PCDH15: variants seen among roughly 807,000 people sequenced by gnomAD.
PCDH15 encodes the protein protocadherin-15.
In PCDH15, 129 loss-of-function variants were observed where a neutral mutation model predicts 178.5. The ratio of observed to expected loss-of-function variants is 0.72; its 90% CI spans 0.63 to 0.84. PCDH15 has a LOEUF of 0.84. Ranked by LOEUF, PCDH15 falls within the 40% of genes least tolerant of loss-of-function variation. The pLI is 0.00. For missense variants in PCDH15, 2,230 were observed against 2,099.9 expected (o/e 1.06, Z -1.21); for synonymous variants, 800 against 732.0 (o/e 1.09, Z -1.50).
At chr10:54,351,977 A>G (rs1168853879) in intron 5 of PCDH15, among the ~76,000 whole-genome samples, 1 of 152,174 alleles carries the variant, frequency 6.6e-6, no homozygotes, top group African/African-American at 2.4e-5. Flanking sequence ...AATATTGAGA[A>G]GGATATGTGG....
At chr10:54,767,589 T>A (rs1948659458) in intron 1 of PCDH15, among the ~76,000 whole-genome samples, 1 of 152,142 alleles carries the variant, frequency 6.6e-6, no homozygotes, top group Admixed American at 6.5e-5. Flanking sequence ...CGACAAGTCC[T>A]ATTTCATCCA....
At chr10:54,283,802 A>C (rs1233003557) in intron 8 of PCDH15, among the ~76,000 whole-genome samples, 1 of 152,122 alleles carries the variant, frequency 6.6e-6, no homozygotes, top group Non-Finnish European at 1.5e-5. Context: ...GCACAGGTTC[A>C]GTAAAAACAT....
chr10:55,114,030 G>T (rs1591913365), intron 2 of PCDH15, among the ~76,000 whole-genome samples: 1 of 152,068 alleles, frequency 6.6e-6, no homozygotes, highest in African/African-American at 2.4e-5. Flanking sequence ...CTCACTGCAA[G>T]CTCTGCCTCC....
chr10:54,601,123 C>G (rs140487154), intron 2 of PCDH15, among the ~76,000 whole-genome samples: 3 of 151,868 alleles, frequency 2.0e-5, no homozygotes, highest in African/African-American at 7.3e-5. Context: ...TTATGTTGAT[C>G]GATGTGAAAT....
chr10:54,115,641 T>C (rs539752552), intron 15 of PCDH15, among the ~76,000 whole-genome samples: 2 of 152,344 alleles, frequency 1.3e-5, no homozygotes, highest in Middle Eastern at 3.4e-3. Context: ...TAATTTTCCC[T>C]GTAGGCAGCT....
intron 26 of PCDH15, among the ~76,000 whole-genome samples, chr10:53,894,641 T>C (rs10825154): frequency 0.52 from 78,971 of 152,116 alleles, 22,399 homozygotes; most frequent in Middle Eastern, 0.7. Context: ...AATGGTGATT[T>C]TGATTTCAGA....
chr10:55,531,918 A>G lies in PCDH15; in HGVS notation c.-156+95707T>C, dbSNP rs193284193. 6.2e-4 allele frequency among the ~76,000 whole-genome samples: 94 copies of G among 152,180 alleles called. 1 individual carries two copies. Among genetic ancestry groups the G allele is most frequent in the Middle Eastern group, 6.8e-3 (2 of 292 alleles). On this transcript the variant is annotated intron_variant, in intron 2 of 5. Transcript: ENST00000613346. ...TTAACATATTGAAAGAAAAATCCTT[A>G]TATCTAGAAAGCAGAAGTAGCAGAA...
At chr10:54,767,303 C>T (rs1400941664) in intron 1 of PCDH15, among the ~76,000 whole-genome samples, 1 of 152,206 alleles carries the variant, frequency 6.6e-6, no homozygotes, top group Non-Finnish European at 1.5e-5. Context: ...CCTATTAAAA[C>T]TAAACCTATT....
At chr10:55,186,183 C>G (rs1213680703) in intron 1 of PCDH15, among the ~76,000 whole-genome samples, 1 of 151,098 alleles carries the variant, frequency 6.6e-6, no homozygotes, top group Non-Finnish European at 1.5e-5. Context: ...AAATATAATG[C>G]AAATGATTTT....
At chr10:55,374,443 T>G (rs1845575357) in intron 2 of PCDH15, among the ~76,000 whole-genome samples, 1 of 152,054 alleles carries the variant, frequency 6.6e-6, no homozygotes, top group Non-Finnish European at 1.5e-5. Context: ...CCTTGAGGAC[T>G]CCATTACCAA....
intron 10 of PCDH15, among the ~76,000 whole-genome samples, chr10:54,198,212 T>C (rs2049866937): frequency 1.3e-5 from 2 of 152,146 alleles, no homozygotes; most frequent in Non-Finnish European, 1.5e-5. Flanking sequence ...TGCCGAGCGA[T>C]GGATGTTCTT....
At chr10:54,425,325 A>G (rs1461615868) in intron 3 of PCDH15, among the ~76,000 whole-genome samples, 1 of 152,088 alleles carries the variant, frequency 6.6e-6, no homozygotes, top group Non-Finnish European at 1.5e-5. Context: ...AAGAAGGGGA[A>G]GATAGACCTG....
In PCDH15 at chr10:54,020,394, G is replaced by T; in HGVS notation, c.2549C>A (p.Ala850Glu). 1 of 1,613,724 alleles carries T rather than the reference G, an allele frequency of 6.2e-7. No homozygotes were observed. The highest frequency in any genetic ancestry group is 8.5e-7 in the Non-Finnish European group (1 of 1,179,748). Reference sequence around the variant, plus strand: ...GCTTCTTATCCGGTAAGACACATTTGCTCCAAGGTCGACATCTTTGGCCTG... The same window carrying T: ...GCTTCTTATCCGGTAAGACACATTTTCTCCAAGGTCGACATCTTTGGCCTG... ...QIEAKDVDLG[A>E]NVSYRIRSPE... The change falls in exon 20 of 38, where the codon GCA becomes GAA. Residue 850 changes from alanine (A) to glutamate (E), a missense_variant. Transcript: ENST00000644397.
At chr10:55,438,682 C>T (rs1839105981) in intron 2 of PCDH15, among the ~76,000 whole-genome samples, 2 of 150,662 alleles carry the variant, frequency 1.3e-5, no homozygotes, top group South Asian at 2.1e-4. Context: ...GAAAGAGAAA[C>T]GGAAAAGAAA....
chr10:55,434,074 TTTC>T lies in PCDH15; in HGVS notation c.-156+193548_-156+193550del, dbSNP rs1307891199. Among the ~76,000 whole-genome samples, 223 of 102,264 alleles carry T rather than the reference TTTC, an allele frequency of 2.2e-3. 2 individuals carry two copies. The highest frequency in any genetic ancestry group is 0.01 in the African/African-American group (213 of 20,694). 67.1% of individuals were successfully genotyped at this position (102,264 alleles called of 152,430 possible). A position where few individuals can be genotyped will look rare whatever the true frequency, so the allele number is the denominator to read the frequency against. ...ACAAATTCTCCGCTTTTTCTTTTCT[TTTC>T]TTTTTTTTTTTTTTTTTTTTTGAGA... On this transcript the variant is annotated intron_variant, in intron 2 of 5. Coordinates refer to the PCDH15 transcript ENST00000613346.
chr10:55,423,233 A>G (rs750387339), intron 2 of PCDH15, among the ~76,000 whole-genome samples: 158 of 152,148 alleles, frequency 1.0e-3, no homozygotes, highest in Non-Finnish European at 2.0e-3. Context: ...GATAAAATTA[A>G]CACACTTTAA....
chr10:55,207,787 G>A (rs1840443728), intron 1 of PCDH15, among the ~76,000 whole-genome samples: 1 of 152,168 alleles, frequency 6.6e-6, no homozygotes, highest in South Asian at 2.1e-4. Flanking sequence ...GGACAACATG[G>A]TGAAACCCGT....
chr10:54,672,621 C>A (rs1446246958), intron 1 of PCDH15, among the ~76,000 whole-genome samples: 1 of 151,864 alleles, frequency 6.6e-6, no homozygotes, highest in Non-Finnish European at 1.5e-5. Flanking sequence ...GTCATATAAC[C>A]AAAAAGAAAT....
intron 1 of PCDH15, among the ~76,000 whole-genome samples, chr10:54,767,080 A>C (rs1310887545): frequency 5.3e-5 from 8 of 152,212 alleles, no homozygotes; most frequent in African/African-American, 1.7e-4. Context: ...TTACTTAAAC[A>C]GAATACATGA....
Sources: gnomAD v4.1 joint callset for allele counts (sites outside exome capture counted in the v4.1 genomes callset) on GRCh38, gnomAD v4.1.1 for gene constraint, MANE v1.5 for transcripts, NCBI Gene and HGNC (gene_info 2026-07-23, HGNC 2026-07-21) for gene names.